TSPEAR: variants seen among roughly 807,000 people sequenced by gnomAD.
The protein encoded by TSPEAR is thrombospondin type laminin G domain and EAR repeats.
TSPEAR carries 69 observed loss-of-function variants against 71.6 expected under a neutral mutation model. The ratio of observed to expected loss-of-function variants is 0.96; its 90% CI spans 0.79 to 1.18. The LOEUF (loss-of-function observed/expected upper bound fraction) is 1.18. Ranked by LOEUF, TSPEAR falls within the 50% of genes most tolerant of loss-of-function variation. The pLI is 0.00. For missense variants in TSPEAR, 971 were observed against 894.9 expected (o/e 1.09, Z -1.09); for synonymous variants, 402 against 387.2 (o/e 1.04, Z -0.45).
At chr21:44,532,029 G>C (rs1241721254) in intron 3 of TSPEAR, among the ~76,000 whole-genome samples, 1 of 152,210 alleles carries the variant, frequency 6.6e-6, no homozygotes, top group Non-Finnish European at 1.5e-5. Context: ...CTGCCCTGCT[G>C]TCCCAGAAAG....
At chr21:44,529,385 G>A (rs1416973460) in intron 5 of TSPEAR, among the ~76,000 whole-genome samples, 1 of 152,188 alleles carries the variant, frequency 6.6e-6, no homozygotes, top group African/African-American at 2.4e-5. Context: ...CCCGACTGGG[G>A]CGGGCTGGTC....
chr21:44,666,642 G>A (rs1555944804), intron 1 of TSPEAR: 1 of 1,613,594 alleles, frequency 6.2e-7, no homozygotes, highest in East Asian at 2.2e-5. Flanking sequence ...ACACACAGAA[G>A]ACTGGCAGCT....
Position 44,697,476 on chromosome 21 carries a change from C to T in TSPEAR, c.82+13957G>A, listed in dbSNP as rs556006639. On this transcript the variant is annotated intron_variant, in intron 1 of 11. Transcript: ENST00000323084. The stretch of plus-strand genomic sequence containing the variant: ...TGCTGCCAGCAGTCTAGCTGCCAGC[C>T]GGCTTGCTGCACCTCCTCCCCCTGC... 67 of 1,613,990 alleles carry T rather than the reference C, an allele frequency of 4.2e-5. No homozygotes were observed. Among genetic ancestry groups the T allele is most frequent in the South Asian group, 2.3e-4 (21 of 91,066 alleles).
In TSPEAR at chr21:44,528,462, G is replaced by A. The variant is rs782728272; in HGVS notation, c.912C>T (p.Ser304=). Reference sequence around the variant, plus strand: ...GCAGGGCTGCCTCACCTGCTAACACGGAGACCCACTCGTTGCCAACACACA... The same window carrying A: ...GCAGGGCTGCCTCACCTGCTAACACAGAGACCCACTCGTTGCCAACACACA... ...LYLCVGNEWV[S]VLAAKERLDY... Residue 304 remains serine, a synonymous_variant, in exon 6 of 12, where the codon TCC becomes TCT. Coordinates refer to ENST00000323084, the MANE Select transcript of TSPEAR (RefSeq NM_144991.3). 9 of 1,613,724 alleles carry A rather than the reference G, an allele frequency of 5.6e-6. No individual in the cohort carries two copies. The highest frequency in any genetic ancestry group is 5.3e-5 in the African/African-American group (4 of 74,920).
rs926393789 is a variant in TSPEAR at position 44,696,807 on chromosome 21, G to A, written c.82+14626C>T. On this transcript the variant is annotated intron_variant, in intron 1 of 11. Coordinates refer to ENST00000323084, the MANE Select transcript of TSPEAR (RefSeq NM_144991.3). Reference sequence around the variant, plus strand: ...CAGCCCATTGGCCGGCTCCCTCCACGGCCCCACGGTCCCGCTCAGTTCTGA... The same window carrying A: ...CAGCCCATTGGCCGGCTCCCTCCACAGCCCCACGGTCCCGCTCAGTTCTGA... Among the ~76,000 whole-genome samples the A allele has an allele frequency of 5.9e-5, 9 of 152,260 alleles. No individual in the cohort carries two copies. The East Asian group carries it at 7.7e-4, about 13-fold the overall frequency.
intron 1 of TSPEAR, chr21:44,697,218 G>A: frequency 1.2e-6 from 2 of 1,613,922 alleles, no homozygotes; most frequent in Non-Finnish European, 1.7e-6. Flanking sequence ...GTCTGCTCCA[G>A]CGACCTGAGC....
chr21:44,526,348 G>C (rs1601364338), intron 7 of TSPEAR, among the ~76,000 whole-genome samples: 1 of 152,350 alleles, frequency 6.6e-6, no homozygotes, highest in East Asian at 1.9e-4. Context: ...GATGTGCTTG[G>C]AGGCAAGGAC....
chr21:44,682,466 T>C (rs782466522), intron 1 of TSPEAR, among the ~76,000 whole-genome samples: 1 of 152,106 alleles, frequency 6.6e-6, no homozygotes, highest in African/African-American at 2.4e-5. Context: ...CAGACATGAG[T>C]GGTACCCAAA....
chr21:44,518,997 C>T (rs1005978978), intron 9 of TSPEAR: 3 of 185,432 alleles, frequency 1.6e-5, no homozygotes, highest in Admixed American at 5.7e-5. Context: ...GCCACCCTTT[C>T]GTTGCTGCTC....
intron 1 of TSPEAR, among the ~76,000 whole-genome samples, chr21:44,706,034 C>T (rs1555952270): frequency 6.6e-6 from 1 of 152,102 alleles, no homozygotes; most frequent in East Asian, 1.9e-4. Flanking sequence ...TCAAGCCAGT[C>T]GATGCTTAGG....
At chr21:44,652,651 G>T (rs1158003659) in intron 1 of TSPEAR, among the ~76,000 whole-genome samples, 1 of 152,164 alleles carries the variant, frequency 6.6e-6, no homozygotes, top group Non-Finnish European at 1.5e-5. Flanking sequence ...ATACTTGCAA[G>T]TATCTTTCTA....
chr21:44,538,314 G>A (rs587692126), intron 2 of TSPEAR, among the ~76,000 whole-genome samples: 65 of 152,088 alleles, frequency 4.3e-4, no homozygotes, highest in East Asian at 3.3e-3. Flanking sequence ...CATGCTCCCC[G>A]CGTGGACCAA....
intron 2 of TSPEAR, chr21:44,550,663 G>T (rs2053399137): frequency 6.2e-7 from 1 of 1,609,266 alleles, no homozygotes; most frequent in East Asian, 2.2e-5. Context: ...TGGGGCCTGA[G>T]CCCGGCTGGC....
intron 1 of TSPEAR, among the ~76,000 whole-genome samples, chr21:44,590,119 A>G (rs1555926241): frequency 4.6e-5 from 7 of 152,208 alleles, no homozygotes; most frequent in Non-Finnish European, 1.5e-5. Flanking sequence ...AGGGAGCTCC[A>G]TGGGGTGGGA....
intron 1 of TSPEAR, among the ~76,000 whole-genome samples, chr21:44,661,472 T>C (rs942384624): frequency 6.6e-6 from 1 of 152,204 alleles, no homozygotes; most frequent in African/African-American, 2.4e-5. Context: ...GGCGTCATAT[T>C]ACCCGGAGGT....
chr21:44,680,330 C>T (rs1986520348), intron 1 of TSPEAR, among the ~76,000 whole-genome samples: 1 of 152,016 alleles, frequency 6.6e-6, no homozygotes, highest in Non-Finnish European at 1.5e-5. Flanking sequence ...CAGATCAAAA[C>T]TACAATGAGA....
intron 1 of TSPEAR, among the ~76,000 whole-genome samples, chr21:44,690,127 A>C (rs1987064432): frequency 1.3e-5 from 2 of 151,968 alleles, no homozygotes; most frequent in Admixed American, 1.3e-4. Flanking sequence ...AACCATCACC[A>C]TGAGGTTGAG....
At chr21:44,653,641 A>G (rs1984944425) in intron 1 of TSPEAR, among the ~76,000 whole-genome samples, 2 of 152,386 alleles carry the variant, frequency 1.3e-5, no homozygotes, top group African/African-American at 4.8e-5. Context: ...TGCACATACC[A>G]GCTAATAAGC....
At chr21:44,534,030 C>T (rs2053032555) in intron 2 of TSPEAR, 107 bp from the exon 3 acceptor site, 3 of 812,452 alleles carry the variant, frequency 3.7e-6, no homozygotes, top group Non-Finnish European at 5.9e-6. Flanking sequence ...GTGAGAGGAG[C>T]AGGGGCTGAC....
Sources: gnomAD v4.1 joint callset for allele counts (sites outside exome capture counted in the v4.1 genomes callset) on GRCh38, gnomAD v4.1.1 for gene constraint, MANE v1.5 for transcripts, NCBI Gene and HGNC (gene_info 2026-07-23, HGNC 2026-07-21) for gene names.